Variants in IFT74 observed in about 807,000 individuals in gnomAD.
The protein encoded by IFT74 is intraflagellar transport protein 74 homolog.
In IFT74, 92 loss-of-function variants were observed where a neutral mutation model predicts 96.7. The observed-to-expected ratio is 0.95, with a 90% CI of 0.80 to 1.13. The LOEUF (loss-of-function observed/expected upper bound fraction) is 1.13. IFT74 is among the 50% of genes most tolerant of loss of function. IFT74 has a pLI of 0.00. For synonymous variants in IFT74, 223 were observed against 213.2 expected, an observed-to-expected ratio of 1.05 and a Z score of -0.40; for missense variants, 811 against 698.2, an observed-to-expected ratio of 1.16 and a Z score of -1.82.
intron 8 of IFT74, chr9:26,995,577 C>G: frequency 6.3e-7 from 1 of 1,598,524 alleles, no homozygotes; most frequent in Non-Finnish European, 8.6e-7. Flanking sequence ...ATAAATCCAT[C>G]ATCATCTACC....
intron 14 of IFT74, among the ~76,000 whole-genome samples, chr9:27,045,102 G>A (rs2131680471): frequency 6.6e-6 from 1 of 152,276 alleles, no homozygotes; most frequent in East Asian, 1.9e-4. Context: ...AGACCGGTAG[G>A]AACCAGGCCG....
chr9:26,971,112 C>T (rs2131506243), intron 2 of IFT74, among the ~76,000 whole-genome samples: 1 of 152,282 alleles, frequency 6.6e-6, no homozygotes, highest in African/African-American at 2.4e-5. Flanking sequence ...TTTATAACTG[C>T]ATTACTAGCA....
At position 27,055,775 on chromosome 9, in the gene IFT74, A is replaced by G. The variant is rs566184125; in HGVS notation, c.1497+3A>G. ...CATCAGGTGAAGAAAAGATAAAGGTAAATGTTAACCAAGTCTTACAGAATT... is the reference window on the plus strand; with the variant it reads ...CATCAGGTGAAGAAAAGATAAAGGTGAATGTTAACCAAGTCTTACAGAATT... On this transcript the variant is annotated splice_donor_region_variant and intron_variant, in intron 17 of 19. Coordinates refer to ENST00000380062, the MANE Select transcript of IFT74 (RefSeq NM_025103.4). The G allele has an allele frequency of 1.1e-4, 169 of 1,505,640 alleles. 3 individuals carry two copies. The South Asian group carries it at 1.8e-3, about 16-fold the overall frequency. 93.3% of individuals were successfully genotyped at this position (1,505,640 alleles called of 1,614,324 possible). A position where few individuals can be genotyped will look rare whatever the true frequency, so the allele number is the denominator to read the frequency against.
chr9:27,058,023 T>A (rs1820245327), intron 18 of IFT74, among the ~76,000 whole-genome samples: 1 of 152,212 alleles, frequency 6.6e-6, no homozygotes, highest in Admixed American at 6.5e-5. Flanking sequence ...ACATCCATAT[T>A]GTTTTTACAA....
intron 13 of IFT74, chr9:27,036,456 C>A: frequency 1.2e-6 from 2 of 1,613,476 alleles, no homozygotes; most frequent in Non-Finnish European, 1.7e-6. Flanking sequence ...GCAGATCCTA[C>A]CAACTATGGA....
chr9:26,972,816 G>A (rs890249734), intron 2 of IFT74, among the ~76,000 whole-genome samples: 50 of 151,940 alleles, frequency 3.3e-4, no homozygotes, highest in African/African-American at 1.1e-3. Flanking sequence ...ATTTAACTTC[G>A]GGCTCTGTAT....
chr9:27,031,330 G>C (rs1025908969), intron 13 of IFT74, among the ~76,000 whole-genome samples: 1 of 152,044 alleles, frequency 6.6e-6, no homozygotes. Context: ...AGCCGGGCCT[G>C]GTGGTGGGCG....
rs142103842 is a variant in IFT74 at position 27,055,085 on chromosome 9, G to C, written c.1334-524G>C. Reference sequence around the variant, plus strand: ...CTAATTGACTAAAATGTGACTAAAGGCTCACAGGAACTTAACTCTGTATTT... The same window carrying C: ...CTAATTGACTAAAATGTGACTAAAGCCTCACAGGAACTTAACTCTGTATTT... On this transcript the variant is annotated intron_variant, in intron 16 of 19. Transcript: ENST00000380062. 8.2e-3 allele frequency among the ~76,000 whole-genome samples: 1,249 copies of C among 152,224 alleles called. 13 individuals are homozygous for C. Among genetic ancestry groups the C allele is most frequent in the African/African-American group, 0.028 (1,169 of 41,524 alleles).
At chr9:26,976,661 C>G (rs572130481) in intron 2 of IFT74, 1 of 430,484 alleles carries the variant, frequency 2.3e-6, no homozygotes, top group South Asian at 1.7e-5. Context: ...GTAGTAAAAT[C>G]AGAAAGAAGA....
chr9:27,056,896 AT>A (rs1487347154), intron 18 of IFT74, among the ~76,000 whole-genome samples: 5 of 151,538 alleles, frequency 3.3e-5, no homozygotes, highest in African/African-American at 1.2e-4. Flanking sequence ...AGATAGATAG[AT>A]AGATAGATAT....
chr9:26,975,062 A>G (rs1047117035), intron 2 of IFT74, among the ~76,000 whole-genome samples: 1 of 149,444 alleles, frequency 6.7e-6, no homozygotes, highest in Admixed American at 6.7e-5. Flanking sequence ...TGGGATGATA[A>G]TTCCCAAAGT....
At chr9:27,001,364 T>A (rs139305535) in intron 8 of IFT74, among the ~76,000 whole-genome samples, 1 of 152,002 alleles carries the variant, frequency 6.6e-6, no homozygotes, top group African/African-American at 2.4e-5. Context: ...GTTATATTTT[T>A]AGTTTTTTAA....
chr9:26,955,570 A>G (rs1374511504), upstream of IFT74, among the ~76,000 whole-genome samples: 1 of 152,158 alleles, frequency 6.6e-6, no homozygotes, highest in Non-Finnish European at 1.5e-5. Flanking sequence ...GGCCACTGCA[A>G]ATAGGGTGAG....
intron 2 of IFT74, among the ~76,000 whole-genome samples, chr9:26,962,926 A>ATTTTTTTTTTTTTTTTTTTT (rs370313745): frequency 1.5e-5 from 2 of 136,532 alleles, no homozygotes; most frequent in Admixed American, 7.3e-5. Context: ...AACTTTACTA[A>ATTTTTTTTTTTTTTTTTTTT]TTTTTTTTTT....
In IFT74 at chr9:27,017,014, A is replaced by C; in HGVS notation, c.897A>C (p.Gly299=). ...DQMIAEDKSI[G]SPMEEREKLL... ...TGATTGCAGAAGACAAAAGCATAGGATCTCCAATGGAAGAGAGAGAGAAAT... is the reference window on the plus strand; with the variant it reads ...TGATTGCAGAAGACAAAAGCATAGGCTCTCCAATGGAAGAGAGAGAGAAAT... Residue 299 remains glycine, a synonymous_variant, in exon 11 of 20, where the codon GGA becomes GGC. Transcript: ENST00000380062. 1 of 1,609,098 alleles carries C rather than the reference A, an allele frequency of 6.2e-7. No individual in the cohort carries two copies. The highest frequency in any genetic ancestry group is 8.5e-7 in the Non-Finnish European group (1 of 1,178,090).
At position 26,971,816 on chromosome 9, in the gene IFT74, T is replaced by C. The variant is rs114214615; in HGVS notation, c.121-6312T>C. 4.4e-3 allele frequency among the ~76,000 whole-genome samples: 669 copies of C among 152,254 alleles called. 6 individuals carry two copies. Among genetic ancestry groups the C allele is most frequent in the African/African-American group, 0.015 (616 of 41,548 alleles). On this transcript the variant is annotated intron_variant, in intron 2 of 19. Transcript: ENST00000380062. ...CATTCTCCGTCCAGTTTTTTTTCAATGTATGAGCCACTCCAAAGGTGTACT... is the reference window on the plus strand; with the variant it reads ...CATTCTCCGTCCAGTTTTTTTTCAACGTATGAGCCACTCCAAAGGTGTACT...
rs1828242078 is a variant in IFT74, at chr9:26,997,767, T to C, written c.587+7572T>C. 2.5e-6 allele frequency: 4 copies of C among 1,611,134 alleles called. No individual in the cohort carries two copies. In the African/African-American group the frequency reaches 5.4e-5, roughly 22 times the overall value. ...GATGTGTTCAACCAGTTCTGCAAAT[T>C]AAATAGACTGCAAGAGCAGTTCCAT... On this transcript the variant is annotated intron_variant, in intron 8 of 19. Transcript: ENST00000380062.
At position 27,047,375 on chromosome 9, in the gene IFT74, A is replaced by G. The variant is rs776258075; in HGVS notation, c.1206+4A>G. 4 of 1,577,922 alleles carry G rather than the reference A, an allele frequency of 2.5e-6. No homozygotes were observed. In the South Asian group the frequency reaches 4.5e-5, roughly 18 times the overall value. ...ACTCTTGGAGCACTGCAGTCGAGTG[A>G]GTACCATGTGCCTGTCTTGGTGTCC... is the stretch of plus-strand genomic sequence containing the variant. On this transcript the variant is annotated splice_donor_region_variant and intron_variant, in intron 15 of 19. Transcript: ENST00000380062.
chr9:27,050,724 G>T, intron 16 of IFT74, among the ~76,000 whole-genome samples: 1 of 139,180 alleles, frequency 7.2e-6, no homozygotes, highest in Non-Finnish European at 1.5e-5. Context: ...ATCACACACC[G>T]GGGCCTGTTT....
Sources: gnomAD v4.1 joint callset for allele counts (sites outside exome capture counted in the v4.1 genomes callset) on GRCh38, gnomAD v4.1.1 for gene constraint, MANE v1.5 for transcripts, NCBI Gene and HGNC (gene_info 2026-07-23, HGNC 2026-07-21) for gene names.